Variants in DLG1 observed in about 807,000 individuals in gnomAD.
DLG1 encodes discs large MAGUK scaffold protein 1, also known as disks large homolog 1.
Under a neutral mutation model 123.4 loss-of-function variants are expected in DLG1, and 42 were observed. The ratio of observed to expected loss-of-function variants is 0.34; its 90% confidence interval spans 0.27 to 0.44. The LOEUF (loss-of-function observed/expected upper bound fraction) is 0.44, where lower values mean the gene tolerates loss of function less well. DLG1 is among the 20% of genes least tolerant of loss of function. The pLI is 1.00. For missense variants in DLG1, 942 were observed against 1,082.6 expected, an observed-to-expected ratio of 0.87 and a Z score of 1.82; for synonymous variants, 317 against 356.2, an observed-to-expected ratio of 0.89 and a Z score of 1.24.
chr3:197,227,753 T>G (rs905268286), intron 4 of DLG1, among the ~76,000 whole-genome samples: 41 of 152,222 alleles, frequency 2.7e-4, no homozygotes, highest in African/African-American at 9.6e-4. Context: ...TTCCTACTTA[T>G]GTAATTGTAT....
intron 22 of DLG1, among the ~76,000 whole-genome samples, chr3:197,064,398 G>A (rs1219731112): frequency 1.3e-5 from 2 of 152,122 alleles, no homozygotes; most frequent in Non-Finnish European, 2.9e-5. Flanking sequence ...TCACCATGTT[G>A]GCCAGGCTGG....
chr3:197,189,577 G>A (rs1383706751), intron 5 of DLG1, among the ~76,000 whole-genome samples: 1 of 152,122 alleles, frequency 6.6e-6, no homozygotes, highest in Non-Finnish European at 1.5e-5. Context: ...GGGGACTAGT[G>A]GTTTCACTTA....
intron 5 of DLG1, among the ~76,000 whole-genome samples, chr3:197,167,509 A>G (rs1802035501): frequency 6.6e-6 from 1 of 152,246 alleles, no homozygotes; most frequent in Non-Finnish European, 1.5e-5. Context: ...AAATGTAATG[A>G]GAGTACAATA....
At chr3:197,298,433 C>T (rs1189718614) in intron 1 of DLG1, 103 bp downstream of exon 1, 6 of 398,624 alleles carry the variant, frequency 1.5e-5, no homozygotes. Flanking sequence ...CCTAGCCCAC[C>T]GGCGCGTCCC....
intron 4 of DLG1, among the ~76,000 whole-genome samples, chr3:197,259,551 A>G (rs1758420833): frequency 6.6e-6 from 1 of 152,220 alleles, no homozygotes; most frequent in Admixed American, 6.5e-5. Flanking sequence ...AAGTGCATAG[A>G]AATAAAAAAA....
intron 11 of DLG1, among the ~76,000 whole-genome samples, chr3:197,124,671 G>A (rs1014959383): frequency 7.2e-5 from 11 of 152,094 alleles, no homozygotes; most frequent in Non-Finnish European, 1.5e-4. Flanking sequence ...CAAACTCCTG[G>A]GTTCAAACAA....
intron 4 of DLG1, among the ~76,000 whole-genome samples, chr3:197,220,270 C>T (rs1315602585): frequency 6.6e-6 from 1 of 152,116 alleles, no homozygotes; most frequent in Non-Finnish European, 1.5e-5. Flanking sequence ...GATTTCACTG[C>T]TTCAATGTTA....
intron 22 of DLG1, 97 bp downstream of exon 22, chr3:197,065,179 C>G: frequency 2.6e-6 from 3 of 1,165,750 alleles, no homozygotes; most frequent in East Asian, 5.6e-5. Context: ...ATCACATTAA[C>G]AAAACTAATT....
chr3:197,153,866 T>C (rs1795106520), intron 5 of DLG1, among the ~76,000 whole-genome samples: 1 of 151,720 alleles, frequency 6.6e-6, no homozygotes, highest in African/African-American at 2.4e-5. Flanking sequence ...AGAAAAACAA[T>C]AACAACAAAA....
In DLG1 at chr3:197,119,444, A is replaced by C; in HGVS notation, c.1252T>G (p.Ser418Ala). ...PASPARYSPV[S>A]KAVLGDDEIT... The stretch of plus-strand genomic sequence containing the variant: ...TCATCATCTCCAAGTACTGCTTTAG[A>C]AACTGGGGAGTATCTGGCTGGAGAT... Residue 418 changes from serine (S) to alanine (A), a missense_variant, in exon 12 of 25, where the codon TCT becomes GCT. Ser to Ala is a moderately conservative substitution (Grantham distance 99). Transcript: ENST00000667157. The C allele has an allele frequency of 1.7e-5, 27 of 1,610,608 alleles. No homozygotes were observed. Among genetic ancestry groups the C allele is most frequent in the Non-Finnish European group, 2.3e-5 (27 of 1,177,538 alleles).
chr3:197,297,543 C>T lies in DLG1; in HGVS notation c.-31-308G>A, dbSNP rs1231378534. 3.6e-6 allele frequency: 4 copies of T among 1,120,768 alleles called. No homozygotes were observed. In the South Asian group the frequency reaches 7.8e-5, roughly 22 times the overall value. The allele number at this position is 1,120,768 out of a possible 1,614,324, so 69.4% of individuals were successfully genotyped here. On this transcript the variant is annotated intron_variant, in intron 1 of 24. Transcript: ENST00000667157. ...CCCGCACAAGTATCCACACTCCCCA[C>T]CTGCTACTGGGTACGGGCGGGTGAA...
chr3:197,047,043 C>A (rs1723783768), intron 24 of DLG1, among the ~76,000 whole-genome samples: 1 of 152,158 alleles, frequency 6.6e-6, no homozygotes, highest in East Asian at 1.9e-4. Flanking sequence ...TAATCCAATA[C>A]AGCACGTGAG....
At chr3:197,183,794 G>A (rs771402621) in intron 5 of DLG1, 15 of 1,549,972 alleles carry the variant, frequency 9.7e-6, no homozygotes, top group African/African-American at 4.1e-5. Context: ...TGTTGTTTCC[G>A]AAAATGTAAT....
intron 13 of DLG1, among the ~76,000 whole-genome samples, chr3:197,109,766 T>A (rs967678914): frequency 6.6e-6 from 1 of 152,220 alleles, no homozygotes; most frequent in Non-Finnish European, 1.5e-5. Context: ...TTTTGCTGGA[T>A]ATAGAGTTCT....
chr3:197,296,457 G>A lies in DLG1; in HGVS notation c.40C>T (p.Leu14Phe). 2 of 1,613,688 alleles carry A rather than the reference G, an allele frequency of 1.2e-6. No homozygotes were observed. The highest frequency in any genetic ancestry group is 1.7e-6 in the Non-Finnish European group (2 of 1,179,742). ...RKQDTQRALH[L>F]LEEYRSKLSQ... ...AGTTTTGAACGATATTCCTCCAAAA[G>A]GTGCAATGCTCTCTGGGTATCTGAG... Residue 14 changes from leucine (L) to phenylalanine (F), a missense_variant, in exon 3 of 25, where the codon CTT (leucine) becomes TTT (phenylalanine). By Grantham distance (22) the Leu-to-Phe change is conservative. Transcript: ENST00000667157.
intron 15 of DLG1, 147 bp downstream of exon 15, chr3:197,090,765 T>C: frequency 2.1e-6 from 1 of 474,790 alleles, no homozygotes; most frequent in Non-Finnish European, 3.8e-6. Context: ...AAAGGCACAC[T>C]GTCAGAGAGA....
chr3:197,219,789 C>T (rs1736004770), intron 4 of DLG1, among the ~76,000 whole-genome samples: 2 of 152,042 alleles, frequency 1.3e-5, no homozygotes, highest in Admixed American at 6.6e-5. Context: ...AAGAAGGTGG[C>T]CATCTGCAAG....
chr3:197,192,798 C>T (rs1202423777), intron 5 of DLG1, among the ~76,000 whole-genome samples: 4 of 151,832 alleles, frequency 2.6e-5, no homozygotes, highest in South Asian at 2.1e-4. Context: ...TTTTTTAAGA[C>T]GGTTCTTTGA....
At chr3:197,107,501 C>A (rs141842157) in intron 13 of DLG1, among the ~76,000 whole-genome samples, 6,281 of 151,840 alleles carry the variant, frequency 0.041, 179 homozygotes, top group Non-Finnish European at 0.054. Flanking sequence ...ACAGAGATTG[C>A]GCCACTGCAC....
Sources: gnomAD v4.1 joint callset for allele counts (sites outside exome capture counted in the v4.1 genomes callset) on GRCh38, gnomAD v4.1.1 for gene constraint, MANE v1.5 for transcripts, NCBI Gene and HGNC (gene_info 2026-07-23, HGNC 2026-07-21) for gene names.